Variants in PACRG observed in about 807,000 individuals in gnomAD.
The protein encoded by PACRG is parkin coregulated gene protein.
Under a neutral mutation model 29.7 loss-of-function variants are expected in PACRG, and 29 were observed. The ratio of observed to expected loss-of-function variants is 0.98; its 90% CI spans 0.73 to 1.33. The LOEUF is 1.33. PACRG is among the 40% of genes most tolerant of loss of function. The pLI is 0.00. For missense variants in PACRG, 279 were observed against 316.2 expected, an observed-to-expected ratio of 0.88 and a Z score of 0.89; for synonymous variants, 116 against 118.7, an observed-to-expected ratio of 0.98 and a Z score of 0.15.
intron 4 of PACRG, among the ~76,000 whole-genome samples, chr6:163,154,455 A>T (rs1432979104): frequency 6.6e-6 from 1 of 152,152 alleles, no homozygotes; most frequent in East Asian, 1.9e-4. Flanking sequence ...ATCCTATGTG[A>T]GGCAGCTTTC....
intron 2 of PACRG, among the ~76,000 whole-genome samples, chr6:163,038,426 G>A (rs930858524): frequency 7.2e-5 from 11 of 152,178 alleles, no homozygotes; most frequent in African/African-American, 2.7e-4. Context: ...ACAGTGAAGC[G>A]TTGAGGATAG....
At position 163,158,746 on chromosome 6, in the gene PACRG, T is replaced by A. The variant is rs551375380; in HGVS notation, c.613+69338T>A. ...ATTACTAGGAAATAATATTGCACAC[T>A]GACGTGCCAGGTACCTCCTCACACT... On this transcript the variant is annotated intron_variant, in intron 4 of 4. Transcript: ENST00000366888. 9.2e-5 allele frequency among the ~76,000 whole-genome samples: 14 copies of A among 152,342 alleles called. No individual in the cohort carries two copies. In the South Asian group the frequency reaches 2.9e-3, roughly 32 times the overall value.
Position 163,028,075 on chromosome 6 carries a change from G to A in PACRG, c.292-34075G>A, listed in dbSNP as rs140515070. Reference sequence around the variant, plus strand: ...CTCTAGATGCCAGCCACATGGTCATGCATACTAACCCCAAAAGAGGCCGGC... The same window carrying A: ...CTCTAGATGCCAGCCACATGGTCATACATACTAACCCCAAAAGAGGCCGGC... On this transcript the variant is annotated intron_variant, in intron 2 of 4. Coordinates refer to ENST00000366888, the MANE Select transcript of PACRG (RefSeq NM_001080379.2). 3.6e-3 allele frequency among the ~76,000 whole-genome samples: 546 copies of A among 152,256 alleles called. 3 individuals are homozygous for A. The highest frequency in any genetic ancestry group is 0.013 in the African/African-American group (523 of 41,556).
At chr6:162,891,721 G>A (rs945934902) in intron 2 of PACRG, among the ~76,000 whole-genome samples, 14 of 152,074 alleles carry the variant, frequency 9.2e-5, no homozygotes, top group Admixed American at 8.5e-4. Flanking sequence ...CTCTTTGGGG[G>A]GCTGTAGACC....
chr6:163,156,662 C>T (rs114232076), intron 4 of PACRG, among the ~76,000 whole-genome samples: 142 of 152,296 alleles, frequency 9.3e-4, no homozygotes, highest in African/African-American at 3.3e-3. Flanking sequence ...TATCTTGCAG[C>T]TCAATAGTGC....
intron 2 of PACRG, among the ~76,000 whole-genome samples, chr6:162,905,803 T>C (rs1795893983): frequency 6.6e-6 from 1 of 152,196 alleles, no homozygotes; most frequent in Admixed American, 6.5e-5. Context: ...CAGTGTTTAG[T>C]ATGAGTAAGG....
chr6:162,936,245 A>G (rs2090112), intron 2 of PACRG, among the ~76,000 whole-genome samples: 1 of 151,904 alleles, frequency 6.6e-6, no homozygotes, highest in Non-Finnish European at 1.5e-5. Context: ...CCCACAACAC[A>G]TGGGAATCAT....
At chr6:163,263,918 C>A (rs79132776) in intron 4 of PACRG, among the ~76,000 whole-genome samples, 5,646 of 152,262 alleles carry the variant, frequency 0.037, 286 homozygotes, top group African/African-American at 0.11. Context: ...AATACTAACA[C>A]ACCATTTTTG....
intron 1 of PACRG, among the ~76,000 whole-genome samples, chr6:162,753,057 A>G (rs947326576): frequency 2.0e-5 from 3 of 152,206 alleles, no homozygotes; most frequent in Non-Finnish European, 2.9e-5. Context: ...GCATGATTAA[A>G]TCAAGCTAAT....
intron 1 of PACRG, among the ~76,000 whole-genome samples, chr6:162,809,884 A>G (rs539438629): frequency 6.6e-6 from 1 of 152,278 alleles, no homozygotes; most frequent in South Asian, 2.1e-4. Context: ...CTTCACTAGA[A>G]TAGTAAAGAG....
At chr6:163,159,873 G>C (rs564044727) in intron 4 of PACRG, among the ~76,000 whole-genome samples, 2 of 152,012 alleles carry the variant, frequency 1.3e-5, no homozygotes, top group African/African-American at 4.8e-5. Context: ...CGGTGGCCCC[G>C]ATCCTCATTC....
chr6:162,965,939 C>G (rs190112963), intron 2 of PACRG, among the ~76,000 whole-genome samples: 2 of 152,252 alleles, frequency 1.3e-5, no homozygotes, highest in Middle Eastern at 3.4e-3. Context: ...GGATGGGAGA[C>G]GAAATGCATC....
chr6:163,241,776 G>A (rs570859004), intron 4 of PACRG, among the ~76,000 whole-genome samples: 88 of 152,270 alleles, frequency 5.8e-4, no homozygotes, highest in South Asian at 2.3e-3. Flanking sequence ...GTGTGTAGAA[G>A]GCAAAAGGGG....
chr6:162,995,937 C>T (rs1430473027), intron 2 of PACRG, among the ~76,000 whole-genome samples: 1 of 152,088 alleles, frequency 6.6e-6, no homozygotes, highest in Non-Finnish European at 1.5e-5. Flanking sequence ...GATTTCAATT[C>T]CTTTGAATAT....
At chr6:162,921,386 C>T (rs1428271969) in intron 2 of PACRG, among the ~76,000 whole-genome samples, 1 of 152,172 alleles carries the variant, frequency 6.6e-6, no homozygotes, top group East Asian at 1.9e-4. Flanking sequence ...GTACTGAAAG[C>T]CTCACTATAT....
intron 1 of PACRG, among the ~76,000 whole-genome samples, chr6:162,790,781 G>T (rs1198071183): frequency 6.6e-6 from 1 of 152,142 alleles, no homozygotes; most frequent in Non-Finnish European, 1.5e-5. Flanking sequence ...GTCTTATCTA[G>T]ATCTGCGTTG....
chr6:163,124,178 A>G (rs1455285990), intron 4 of PACRG, among the ~76,000 whole-genome samples: 1 of 152,190 alleles, frequency 6.6e-6, no homozygotes, highest in Non-Finnish European at 1.5e-5. Context: ...AGCTCTTTGT[A>G]TATTTCAGAA....
chr6:162,849,792 C>A (rs1023606219), intron 2 of PACRG, among the ~76,000 whole-genome samples: 1 of 152,122 alleles, frequency 6.6e-6, no homozygotes, highest in Non-Finnish European at 1.5e-5. Flanking sequence ...TTTAAAATAT[C>A]TCAAAGAGAA....
chr6:162,852,335 C>T (rs1042294313), intron 2 of PACRG, among the ~76,000 whole-genome samples: 3 of 152,170 alleles, frequency 2.0e-5, no homozygotes, highest in Non-Finnish European at 4.4e-5. Context: ...TCAGACAACT[C>T]CCAGAAGGAA....
Sources: allele counts gnomAD v4.1 joint callset (sites outside exome capture counted in the v4.1 genomes callset), GRCh38; gene constraint gnomAD v4.1.1; transcripts MANE v1.5; gene names NCBI Gene and HGNC (gene_info 2026-07-23, HGNC 2026-07-21).